The following PMM1 variants were observed in gnomAD, a reference collection of about 807,000 sequenced individuals.
PMM1 encodes phosphomannomutase 1, also known as brain glucose-1,6-bisphosphatase.
In PMM1, 25 loss-of-function variants were observed where a neutral mutation model predicts 34.0. The observed-to-expected ratio is 0.73, with a 90% CI of 0.54 to 1.03. The LOEUF (loss-of-function observed/expected upper bound fraction) is 1.03. PMM1 is among the 50% of genes least tolerant of loss of function. PMM1 has a pLI of 0.00. For missense variants in PMM1, 321 were observed against 350.1 expected (o/e 0.92, Z 0.66); for synonymous variants, 134 against 143.9 (o/e 0.93, Z 0.49).
chr22:41,578,111 A>G (rs760259257), intron 6 of PMM1, among the ~76,000 whole-genome samples, 188 bp from the exon 7 acceptor site: 2 of 152,192 alleles, frequency 1.3e-5, no homozygotes, highest in Non-Finnish European at 2.9e-5. Flanking sequence ...CAAGACCATG[A>G]AGTGGGTGGG....
intron 5 of PMM1, among the ~76,000 whole-genome samples, chr22:41,583,297 T>A (rs570983508): frequency 6.6e-6 from 1 of 152,192 alleles, no homozygotes; most frequent in Admixed American, 6.5e-5. Flanking sequence ...CTGGCCAACG[T>A]GGTGAAACCC....
chr22:41,585,627 G>A (rs1461156704), intron 2 of PMM1, among the ~76,000 whole-genome samples: 3 of 152,048 alleles, frequency 2.0e-5, no homozygotes, highest in South Asian at 2.1e-4. Flanking sequence ...GAGTAGCTGG[G>A]ATTACAGGCA....
Position 41,586,097 on chromosome 22 carries a change from G to A in PMM1, c.184C>T (p.Gln62Ter). ...CTACCTTCATCCCCGTCACCCAGCT[G>A]CTCAGCGATCTTACAGTAGTCAGAG... ...GGSDYCKIAE[Q>*]LGDGDEVIEK... is the part of the protein sequence containing the mutation. The change falls in exon 2 of 8, where the codon CAG becomes TAG. Residue 62 changes from glutamine to a stop codon, truncating the protein, a stop_gained. Coordinates refer to ENST00000216259, the MANE Select transcript of PMM1 (RefSeq NM_002676.3). LOFTEE classifies it high-confidence loss of function. 1 of 1,609,812 alleles carries A rather than the reference G, an allele frequency of 6.2e-7. No individual in the cohort carries two copies. Among genetic ancestry groups the A allele is most frequent in the Non-Finnish European group, 8.5e-7 (1 of 1,178,268 alleles).
At chr22:41,581,927 G>A (rs2067251125) in intron 5 of PMM1, among the ~76,000 whole-genome samples, 1 of 152,062 alleles carries the variant, frequency 6.6e-6, no homozygotes. Flanking sequence ...AGGGGTTCCA[G>A]TGAGCCGAGA....
chr22:41,577,500 T>C, intron 7 of PMM1, 60 bp from the exon 8 acceptor site: 1 of 1,545,924 alleles, frequency 6.5e-7, no homozygotes, highest in South Asian at 1.2e-5. Flanking sequence ...CCACATTGGC[T>C]GCTACGGACC....
In PMM1 at chr22:41,577,798, C is replaced by T; in HGVS notation, c.666+10G>A. On this transcript the variant is annotated intron_variant, in intron 7 of 7. Transcript: ENST00000216259. Reference sequence around the variant, plus strand: ...TGCGTTAGGGGAAACCTGGGGTGGGCCACACTCACAGGGCTAGTCTCGTTC... The same window carrying T: ...TGCGTTAGGGGAAACCTGGGGTGGGTCACACTCACAGGGCTAGTCTCGTTC... The T allele has an allele frequency of 6.3e-7, 1 of 1,598,718 alleles. No individual in the cohort carries two copies. The highest frequency in any genetic ancestry group is 8.6e-7 in the Non-Finnish European group (1 of 1,166,610).
intron 1 of PMM1, 75 bp from the exon 2 acceptor site, chr22:41,586,268 G>A (rs1460187437): frequency 3.8e-6 from 6 of 1,583,462 alleles, no homozygotes; most frequent in Non-Finnish European, 5.1e-6. Flanking sequence ...CTCACTTAGT[G>A]CTGAGAACCC....
At chr22:41,583,849 A>C (rs2067274105) in intron 5 of PMM1, 110 bp downstream of exon 5, 5 of 744,480 alleles carry the variant, frequency 6.7e-6, no homozygotes, top group Non-Finnish European at 1.2e-5. Flanking sequence ...AAAGGGTATC[A>C]GTTAAATCAG....
At chr22:41,577,661 G>T in intron 7 of PMM1, 147 bp downstream of exon 7, 2 of 758,692 alleles carry the variant, frequency 2.6e-6, no homozygotes, top group Non-Finnish European at 2.2e-6. Context: ...GGTGAGCAAT[G>T]GTTGTTCTCC....
intron 6 of PMM1, among the ~76,000 whole-genome samples, 185 bp downstream of exon 6, chr22:41,578,621 G>A (rs2067204578): frequency 6.6e-6 from 1 of 152,078 alleles, no homozygotes; most frequent in Non-Finnish European, 1.5e-5. Context: ...GGTATGAGGT[G>A]GGGAAAACTG....
intron 2 of PMM1, chr22:41,584,907 G>T: frequency 2.9e-6 from 1 of 344,326 alleles, no homozygotes; most frequent in South Asian, 4.5e-5. Context: ...TCCTCTGGAA[G>T]CCATGCAGTA....
At chr22:41,585,577 C>T (rs912740273) in intron 2 of PMM1, among the ~76,000 whole-genome samples, 2 of 151,898 alleles carry the variant, frequency 1.3e-5, no homozygotes, top group African/African-American at 4.8e-5. Context: ...CTGCAACCTC[C>T]GCCTCCCAGG....
intron 5 of PMM1, among the ~76,000 whole-genome samples, chr22:41,581,448 A>G (rs1169330334): frequency 6.6e-6 from 1 of 152,188 alleles, no homozygotes; most frequent in Non-Finnish European, 1.5e-5. Context: ...CCAATGGCAA[A>G]ATCAAATCTT....
chr22:41,582,951 G>A (rs1601490836), intron 5 of PMM1, among the ~76,000 whole-genome samples: 1 of 152,122 alleles, frequency 6.6e-6, no homozygotes, highest in East Asian at 1.9e-4. Context: ...GCACATCAAG[G>A]TTTAGCAGGG....
chr22:41,587,080 A>T (rs2067317178), intron 1 of PMM1, among the ~76,000 whole-genome samples: 1 of 151,732 alleles, frequency 6.6e-6, no homozygotes, highest in Non-Finnish European at 1.5e-5. Context: ...ATCCTGGCTA[A>T]CATGGTGAAA....
At position 41,578,900 on chromosome 22, in the gene PMM1, G is replaced by A. The variant is rs66737473; in HGVS notation, c.475-19C>T. On this transcript the variant is annotated intron_variant, in intron 5 of 7. Coordinates refer to ENST00000216259, the MANE Select transcript of PMM1 (RefSeq NM_002676.3). The stretch of plus-strand genomic sequence containing the variant: ...TCTCTTTCTGCAGAGGGGAGGGAGC[G>A]GATGGCAGCTCAGAGGACCTGCTGT... 39,536 of 1,610,370 alleles carry A rather than the reference G, an allele frequency of 0.025. 2,659 individuals carry two copies. The highest frequency in any genetic ancestry group is 0.24 in the African/African-American group (18,070 of 74,920).
At position 41,577,296 on chromosome 22, in the gene PMM1, G is replaced by A. The variant is rs756751972; in HGVS notation, c.*22C>T. The stretch of plus-strand genomic sequence containing the variant: ...CTAGGCCAAACTCTTCAGAAGTCAC[G>A]ACACACAGATGTGGGCCCCGGTCAC... On this transcript the variant is annotated 3_prime_UTR_variant, in exon 8 of 8. Coordinates refer to ENST00000216259, the MANE Select transcript of PMM1 (RefSeq NM_002676.3). The A allele has an allele frequency of 1.6e-5, 26 of 1,612,310 alleles. No homozygotes were observed. The East Asian group carries it at 2.0e-4, about 12-fold the overall frequency.
chr22:41,580,982 G>A lies in PMM1; in HGVS notation c.475-2101C>T, dbSNP rs370342224. 7.9e-4 allele frequency among the ~76,000 whole-genome samples: 120 copies of A among 152,172 alleles called. 3 individuals carry two copies. The South Asian group carries it at 0.014, about 18-fold the overall frequency. On this transcript the variant is annotated intron_variant, in intron 5 of 7. Coordinates refer to ENST00000216259, the MANE Select transcript of PMM1 (RefSeq NM_002676.3). Reference sequence around the variant, plus strand: ...ATACAAAAATTAGCTGGGCGTGGTGGCAGGCGCTTGTAGTCCCAGCTACTT... The same window carrying A: ...ATACAAAAATTAGCTGGGCGTGGTGACAGGCGCTTGTAGTCCCAGCTACTT...
At position 41,586,118 on chromosome 22, in the gene PMM1, CA is replaced by C. The variant is rs767170919; in HGVS notation, c.162del (p.Asp55ThrfsTer54). On this transcript the variant is annotated frameshift_variant, in exon 2 of 8. Transcript: ENST00000216259. LOFTEE classifies it high-confidence loss of function. ...SRVQIGVVGG[S>X]DYCKIAEQLG... Reference sequence around the variant, plus strand: ...AGCTGCTCAGCGATCTTACAGTAGTCAGAGCCGCCCACCACACCGATCTGCA... The same window carrying C: ...AGCTGCTCAGCGATCTTACAGTAGTCGAGCCGCCCACCACACCGATCTGCA... 15 of 1,608,622 alleles carry C rather than the reference CA, an allele frequency of 9.3e-6. No individual in the cohort carries two copies. In the East Asian group the frequency reaches 3.4e-4, roughly 36 times the overall value.
Sources: gnomAD v4.1 joint callset for allele counts (sites outside exome capture counted in the v4.1 genomes callset) on GRCh38, gnomAD v4.1.1 for gene constraint, MANE v1.5 for transcripts, NCBI Gene and HGNC (gene_info 2026-07-23, HGNC 2026-07-21) for gene names.